The following CSMD1 variants were observed in gnomAD, a reference collection of about 807,000 sequenced individuals.
The protein encoded by CSMD1 is CUB and Sushi multiple domains 1.
Under a neutral mutation model 417.5 loss-of-function variants are expected in CSMD1, and 213 were observed. The ratio of observed to expected loss-of-function variants is 0.51; its 90% CI spans 0.46 to 0.57. CSMD1 has a LOEUF of 0.57. CSMD1 is among the 20% of genes least tolerant of loss of function. The pLI is 0.00. For synonymous variants in CSMD1, 2,862 were observed against 1,736.8 expected (o/e 1.65, Z -16.11); for missense variants, 6,923 against 4,529.7 (o/e 1.53, Z -15.17).
intron 5 of CSMD1, among the ~76,000 whole-genome samples, chr8:3,800,317 C>A (rs945353245): frequency 1.3e-5 from 2 of 152,016 alleles, no homozygotes; most frequent in Non-Finnish European, 2.9e-5. Context: ...AAATCACATA[C>A]CTTAATTTTA....
chr8:3,445,022 C>A (rs1019288230), intron 12 of CSMD1, among the ~76,000 whole-genome samples: 1 of 152,168 alleles, frequency 6.6e-6, no homozygotes. Context: ...AGTGCCAAGT[C>A]ACAGAAACTT....
chr8:4,860,103 C>T lies in CSMD1; in HGVS notation c.85+134229G>A, dbSNP rs180812573. Among the ~76,000 whole-genome samples, 426 of 151,922 alleles carry T rather than the reference C, an allele frequency of 2.8e-3. 3 individuals are homozygous for T. The highest frequency in any genetic ancestry group is 4.3e-3 in the Admixed American group (65 of 15,260). Reference sequence around the variant, plus strand: ...CCATAAAAAAATGATGAGTTCACGTCCTTTGTAGGGACATGGATGAAATTG... The same window carrying T: ...CCATAAAAAAATGATGAGTTCACGTTCTTTGTAGGGACATGGATGAAATTG... On this transcript the variant is annotated intron_variant, in intron 1 of 69. Coordinates refer to ENST00000635120, the MANE Select transcript of CSMD1 (RefSeq NM_033225.6).
chr8:4,171,385 G>T (rs1053742511), intron 3 of CSMD1, among the ~76,000 whole-genome samples: 12 of 151,626 alleles, frequency 7.9e-5, no homozygotes, highest in Admixed American at 1.3e-4. Context: ...ATTTCTTATG[G>T]TATTTATTGT....
chr8:2,950,197 T>G, intron 67 of CSMD1, 34 bp downstream of exon 67: 1 of 1,337,460 alleles, frequency 7.5e-7, no homozygotes, highest in Non-Finnish European at 1.1e-6. Context: ...TTAGAAAGCC[T>G]GTGCTTTGTC....
chr8:4,501,083 A>G (rs918176119), intron 2 of CSMD1, among the ~76,000 whole-genome samples: 6 of 152,166 alleles, frequency 3.9e-5, no homozygotes, highest in African/African-American at 1.4e-4. Flanking sequence ...AATAACAACA[A>G]CAAAATAAAA....
At chr8:4,717,346 TAC>T (rs1332915467) in intron 1 of CSMD1, among the ~76,000 whole-genome samples, 2 of 138,486 alleles carry the variant, frequency 1.4e-5, no homozygotes, top group African/African-American at 5.8e-5. Flanking sequence ...CACGTATATA[TAC>T]ACACACATAT....
At chr8:3,346,601 G>A (rs9650475) in intron 22 of CSMD1, among the ~76,000 whole-genome samples, 55,164 of 151,986 alleles carry the variant, frequency 0.36, 10,709 homozygotes, top group Admixed American at 0.48. Context: ...AGGCAAACGC[G>A]GCCTTAGGAG....
chr8:4,651,562 T>C (rs1803898432), intron 1 of CSMD1, among the ~76,000 whole-genome samples: 1 of 152,232 alleles, frequency 6.6e-6, no homozygotes, highest in African/African-American at 2.4e-5. Context: ...CTATTTTACT[T>C]AAGAACAAAA....
chr8:4,874,597 G>A (rs1442842702), intron 1 of CSMD1, among the ~76,000 whole-genome samples: 1 of 151,562 alleles, frequency 6.6e-6, no homozygotes, highest in Non-Finnish European at 1.5e-5. Flanking sequence ...CACTATGTTG[G>A]CCAGGCTGGT....
intron 2 of CSMD1, among the ~76,000 whole-genome samples, chr8:4,448,627 G>A (rs931893763): frequency 1.3e-5 from 2 of 152,092 alleles, no homozygotes; most frequent in Non-Finnish European, 2.9e-5. Context: ...GTAATGGTGG[G>A]AAAATATAAT....
intron 7 of CSMD1, among the ~76,000 whole-genome samples, chr8:3,651,111 G>A (rs1041747858): frequency 6.6e-6 from 1 of 152,168 alleles, no homozygotes; most frequent in African/African-American, 2.4e-5. Flanking sequence ...ATCACCATCT[G>A]TCAGTATCTT....
intron 1 of CSMD1, among the ~76,000 whole-genome samples, chr8:4,835,001 GAAAGAAAGAA>G (rs1800388207): frequency 2.9e-5 from 2 of 69,244 alleles, no homozygotes; most frequent in Non-Finnish European, 5.3e-5. Flanking sequence ...AAGAAAGAAA[GAAAGAAAGAA>G]AAAAAAATCA....
At chr8:3,321,513 A>C (rs963337904) in intron 23 of CSMD1, among the ~76,000 whole-genome samples, 3 of 152,052 alleles carry the variant, frequency 2.0e-5, no homozygotes, top group African/African-American at 7.2e-5. Context: ...TAATTCTTCC[A>C]AGTTTCCCCA....
intron 2 of CSMD1, among the ~76,000 whole-genome samples, chr8:4,440,941 G>A (rs915372846): frequency 1.3e-5 from 2 of 150,724 alleles, no homozygotes; most frequent in African/African-American, 2.4e-5. Flanking sequence ...AGGTTGCAGC[G>A]AGCCGAGATC....
chr8:4,584,124 A>C (rs1202908390), intron 2 of CSMD1, among the ~76,000 whole-genome samples: 3 of 152,054 alleles, frequency 2.0e-5, no homozygotes, highest in Non-Finnish European at 4.4e-5. Context: ...AACACATCCG[A>C]ACGTCAGAAG....
At chr8:3,578,273 C>G (rs1040119277) in intron 9 of CSMD1, among the ~76,000 whole-genome samples, 2 of 151,734 alleles carry the variant, frequency 1.3e-5, no homozygotes, top group African/African-American at 2.4e-5. Context: ...AAGAGATGAC[C>G]CAGGGCTGAG....
intron 3 of CSMD1, among the ~76,000 whole-genome samples, chr8:4,228,343 C>G (rs377726309): frequency 1.8e-4 from 28 of 152,290 alleles, no homozygotes; most frequent in African/African-American, 6.0e-4. Flanking sequence ...TAATTCCTCC[C>G]TCCCATTTTC....
intron 7 of CSMD1, among the ~76,000 whole-genome samples, chr8:3,619,444 C>T (rs909469678): frequency 4.0e-5 from 6 of 151,754 alleles, no homozygotes; most frequent in South Asian, 2.1e-4. Flanking sequence ...TTCAAAGGGT[C>T]GAAATAAATC....
In CSMD1 at chr8:4,486,354, G is replaced by C. The variant is rs181252726; in HGVS notation, c.303-66289C>G. 4.1e-4 allele frequency among the ~76,000 whole-genome samples: 61 copies of C among 149,184 alleles called. 1 individual carries two copies. Among genetic ancestry groups the C allele is most frequent in the East Asian group, 2.9e-3 (15 of 5,108 alleles). The stretch of plus-strand genomic sequence containing the variant: ...ACAGTAATTTGCGACGATTCTACCA[G>C]GTTGCATCTTAAACATGTATATCTC... On this transcript the variant is annotated intron_variant, in intron 2 of 69. Coordinates refer to ENST00000635120, the MANE Select transcript of CSMD1 (RefSeq NM_033225.6).
Sources: gnomAD v4.1 joint callset for allele counts (sites outside exome capture counted in the v4.1 genomes callset) on GRCh38, gnomAD v4.1.1 for gene constraint, MANE v1.5 for transcripts, NCBI Gene and HGNC (gene_info 2026-07-23, HGNC 2026-07-21) for gene names.